The following WWOX variants were observed in gnomAD, a reference collection of about 807,000 sequenced individuals.
WWOX encodes the protein WW domain-containing oxidoreductase.
A neutral mutation model predicts 46.2 loss-of-function variants in WWOX; 69 were observed. That is an observed-to-expected ratio of 1.49 (90% CI 1.23 to 1.82). The LOEUF (loss-of-function observed/expected upper bound fraction) is 1.82, where lower values mean the gene tolerates loss of function less well. Ranked by LOEUF, WWOX falls within the 40% of genes most tolerant of loss-of-function variation. The probability of loss-of-function intolerance (pLI) is 0.00; values close to 1 mark genes in which losing one functional copy is unlikely to be tolerated. For missense variants in WWOX, 919 were observed against 542.6 expected (o/e 1.69, Z -6.89); for synonymous variants, 359 against 202.6 (o/e 1.77, Z -6.56).
chr16:78,115,692 AGATGGCTCAAGAGGGTATCCTTGCT>A (rs2032745988), intron 4 of WWOX, among the ~76,000 whole-genome samples: 1 of 152,218 alleles, frequency 6.6e-6, no homozygotes, highest in Non-Finnish European at 1.5e-5. Flanking sequence ...TATCATGGGT[AGATGGCTCAAGAGGGTATCCTTGCT>A]TCAATATGAT....
chr16:78,424,736 C>G (rs1489099565), intron 6 of WWOX, 134 bp from the exon 7 acceptor site: 4 of 1,028,012 alleles, frequency 3.9e-6, no homozygotes, highest in African/African-American at 1.6e-5. Flanking sequence ...GAAAGAATTT[C>G]TCATTCCCGA....
intron 8 of WWOX, among the ~76,000 whole-genome samples, chr16:78,963,760 C>T (rs1360558272): frequency 6.6e-6 from 1 of 152,160 alleles, no homozygotes; most frequent in Non-Finnish European, 1.5e-5. Flanking sequence ...GAAAGTGGGC[C>T]TTAAAGGTGC....
intron 8 of WWOX, among the ~76,000 whole-genome samples, chr16:78,661,785 C>T (rs1271729102): frequency 6.6e-6 from 1 of 152,176 alleles, no homozygotes; most frequent in East Asian, 1.9e-4. Flanking sequence ...GCCCGTAATC[C>T]CAGTGCTTTG....
intron 8 of WWOX, among the ~76,000 whole-genome samples, chr16:79,182,985 C>T (rs1381684011): frequency 6.6e-6 from 1 of 152,186 alleles, no homozygotes; most frequent in Non-Finnish European, 1.5e-5. Flanking sequence ...ATGTACTAGG[C>T]GGGTCAGCAT....
chr16:78,156,779 C>G (rs2034620924), intron 4 of WWOX, among the ~76,000 whole-genome samples: 4 of 152,114 alleles, frequency 2.6e-5, no homozygotes, highest in Admixed American at 2.6e-4. Context: ...CAAAAATTAG[C>G]TGGGTGTGGT....
chr16:78,941,161 G>A (rs938602502), intron 8 of WWOX, among the ~76,000 whole-genome samples: 2 of 152,078 alleles, frequency 1.3e-5, no homozygotes, highest in African/African-American at 4.8e-5. Context: ...TACTGAACTG[G>A]TGCATGAATG....
At chr16:78,582,685 A>T (rs780875495) in intron 8 of WWOX, among the ~76,000 whole-genome samples, 2 of 152,162 alleles carry the variant, frequency 1.3e-5, no homozygotes, top group Non-Finnish European at 2.9e-5. Context: ...TGGGTGACTG[A>T]TGACCCCTGC....
chr16:78,605,414 A>G (rs994385727), intron 8 of WWOX, among the ~76,000 whole-genome samples: 24 of 151,566 alleles, frequency 1.6e-4, no homozygotes, highest in African/African-American at 5.8e-4. Context: ...ATGTCAAGGG[A>G]GGGAACCTCG....
intron 8 of WWOX, among the ~76,000 whole-genome samples, chr16:79,052,017 C>G (rs914237089): frequency 1.1e-4 from 15 of 141,924 alleles, no homozygotes; most frequent in Non-Finnish European, 2.3e-4. Context: ...GCCTTTGCCT[C>G]TTTTTTCTTT....
chr16:79,144,801 T>C (rs1260661022), intron 8 of WWOX, among the ~76,000 whole-genome samples: 2 of 152,186 alleles, frequency 1.3e-5, no homozygotes, highest in Non-Finnish European at 2.9e-5. Context: ...TACAATATGA[T>C]ATTTTGAGAG....
intron 8 of WWOX, among the ~76,000 whole-genome samples, chr16:79,010,031 A>G (rs2047271879): frequency 6.6e-6 from 1 of 152,204 alleles, no homozygotes; most frequent in African/African-American, 2.4e-5. Flanking sequence ...GGTCTTGAGT[A>G]TGCCTAGAAT....
chr16:79,137,715 C>T (rs914982910), intron 8 of WWOX, among the ~76,000 whole-genome samples: 1 of 152,068 alleles, frequency 6.6e-6, no homozygotes, highest in African/African-American at 2.4e-5. Flanking sequence ...CCTCCTCCAT[C>T]CCCTTCCTGC....
At chr16:78,194,848 C>G (rs1262470737) in intron 5 of WWOX, among the ~76,000 whole-genome samples, 2 of 152,162 alleles carry the variant, frequency 1.3e-5, no homozygotes, top group African/African-American at 4.8e-5. Context: ...GCACTTAGAA[C>G]CCACTAACGC....
chr16:78,975,619 G>T (rs141375153), intron 8 of WWOX, among the ~76,000 whole-genome samples: 175 of 152,238 alleles, frequency 1.1e-3, no homozygotes, highest in African/African-American at 3.9e-3. Flanking sequence ...AGGGTGAACA[G>T]TGTTTATTCC....
intron 8 of WWOX, among the ~76,000 whole-genome samples, chr16:78,954,872 C>G (rs1110889): frequency 6.6e-6 from 1 of 152,140 alleles, no homozygotes; most frequent in African/African-American, 2.4e-5. Context: ...TCACTCCAGT[C>G]TTGAGCTCCT....
chr16:78,843,340 C>T (rs1349688015), intron 8 of WWOX, among the ~76,000 whole-genome samples: 3 of 150,174 alleles, frequency 2.0e-5, no homozygotes, highest in African/African-American at 4.8e-5. Flanking sequence ...TAGGTCAGTG[C>T]CATGTCCAAC....
intron 5 of WWOX, among the ~76,000 whole-genome samples, chr16:78,302,874 G>A (rs924283885): frequency 2.0e-5 from 3 of 152,208 alleles, no homozygotes; most frequent in Admixed American, 6.5e-5. Flanking sequence ...GCTTTGGTTT[G>A]ATGTTACTGG....
At chr16:78,756,256 A>T (rs915037615) in intron 8 of WWOX, among the ~76,000 whole-genome samples, 31 of 152,126 alleles carry the variant, frequency 2.0e-4, no homozygotes, top group African/African-American at 7.0e-4. Flanking sequence ...GCAGAAGTAG[A>T]TGTCATGTTG....
chr16:79,109,954 A>G (rs545260968), intron 8 of WWOX, among the ~76,000 whole-genome samples: 1 of 152,344 alleles, frequency 6.6e-6, no homozygotes, highest in East Asian at 1.9e-4. Flanking sequence ...AGTTGCATGG[A>G]AATGAAAGTG....
Sources: allele counts gnomAD v4.1 joint callset (sites outside exome capture counted in the v4.1 genomes callset), GRCh38; gene constraint gnomAD v4.1.1; transcripts MANE v1.5; gene names NCBI Gene and HGNC (gene_info 2026-07-23, HGNC 2026-07-21).